The following MAN1A2 variants were observed in gnomAD, a reference collection of about 807,000 sequenced individuals.
MAN1A2 encodes the protein mannosyl-oligosaccharide 1,2-alpha-mannosidase IB.
A neutral mutation model predicts 75.7 loss-of-function variants in MAN1A2; 26 were observed. The observed-to-expected ratio is 0.34, with a 90% CI of 0.25 to 0.48. MAN1A2 has a LOEUF of 0.48. Among genes scored for constraint, MAN1A2 ranks in the 20% least tolerant of loss-of-function variants. MAN1A2 has a pLI of 0.99. For synonymous variants in MAN1A2, 247 were observed against 264.6 expected, an observed-to-expected ratio of 0.93 and a Z score of 0.65; for missense variants, 562 against 775.5, an observed-to-expected ratio of 0.72 and a Z score of 3.27.
intron 8 of MAN1A2, among the ~76,000 whole-genome samples, chr1:117,466,704 T>A (rs1649993421): frequency 6.6e-6 from 1 of 152,154 alleles, no homozygotes; most frequent in South Asian, 2.1e-4. Flanking sequence ...TTAAAAACTC[T>A]TATTAATAAA....
At chr1:117,468,969 A>G (rs891892573) in intron 8 of MAN1A2, among the ~76,000 whole-genome samples, 5 of 152,300 alleles carry the variant, frequency 3.3e-5, no homozygotes, top group Middle Eastern at 3.4e-3. Flanking sequence ...TTAAATAAAA[A>G]GAGAATCCCA....
intron 9 of MAN1A2, chr1:117,495,056 A>C (rs1650995526): frequency 6.6e-6 from 1 of 151,734 alleles, no homozygotes; most frequent in Non-Finnish European, 1.5e-5. Context: ...AATTTTTTCC[A>C]AAGGAAAAAA....
chr1:117,380,025 C>T (rs554395753), intron 1 of MAN1A2, among the ~76,000 whole-genome samples: 2 of 152,152 alleles, frequency 1.3e-5, no homozygotes, highest in African/African-American at 2.4e-5. Context: ...ATTACAGGGT[C>T]GTATGATAAT....
chr1:117,518,186 T>TA (rs1320494386), intron 12 of MAN1A2, among the ~76,000 whole-genome samples: 1 of 151,942 alleles, frequency 6.6e-6, no homozygotes, highest in African/African-American at 2.4e-5. Flanking sequence ...ATGCATAATT[T>TA]AAAAGAACTC....
rs376973752 is a variant in MAN1A2 at position 117,496,965 on chromosome 1, A to T, written c.1487A>T (p.Glu496Val). 6.2e-7 allele frequency: 1 copy of T among 1,609,908 alleles called. No homozygotes were observed. Among genetic ancestry groups the T allele is most frequent in the African/African-American group, 1.3e-5 (1 of 74,762 alleles). Residue 496 changes from glutamate (E) to valine (V), a missense_variant, in exon 10 of 13, where the codon GAG becomes GTG. Glu to Val is a moderately radical substitution (Grantham distance 121). Transcript: ENST00000356554. ...GCAGAAATTGCACGTACTTGTCATG[A>T]GTCATATGACAGAACTGGTAAGAAT... ...LGAEIARTCH[E>V]SYDRTALKLG...
chr1:117,414,843 A>T lies in MAN1A2; in HGVS notation c.774+12A>T. ...TTGATTTCAGTGTGGTGAGTGTATG[A>T]TTGATAACTAATCTCTTAGATTAAC... On this transcript the variant is annotated intron_variant, in intron 4 of 12. Transcript: ENST00000356554. 7.1e-7 allele frequency: 1 copy of T among 1,401,826 alleles called. No homozygotes were observed. Among genetic ancestry groups the T allele is most frequent in the Non-Finnish European group, 1.0e-6 (1 of 987,266 alleles). 86.8% of individuals were successfully genotyped at this position (1,401,826 alleles called of 1,614,324 possible).
chr1:117,408,472 GGTGT>G (rs75129243), intron 3 of MAN1A2, among the ~76,000 whole-genome samples: 1 of 151,116 alleles, frequency 6.6e-6, no homozygotes, highest in African/African-American at 2.4e-5. Context: ...TTATTTTCCA[GGTGT>G]GTGTGTGTGT....
chr1:117,512,750 T>TACACACACACACAC (rs3050979), intron 12 of MAN1A2, among the ~76,000 whole-genome samples: 2,152 of 143,816 alleles, frequency 0.015, 21 homozygotes, highest in South Asian at 0.029. Flanking sequence ...GGCACTGGGA[T>TACACACACACACAC]ACACACACAC....
chr1:117,472,343 C>A (rs922734750), intron 8 of MAN1A2, among the ~76,000 whole-genome samples: 2 of 151,522 alleles, frequency 1.3e-5, no homozygotes, highest in African/African-American at 4.9e-5. Flanking sequence ...ATATAAATAC[C>A]CATTAAAAGA....
intron 5 of MAN1A2, among the ~76,000 whole-genome samples, chr1:117,441,583 T>C (rs944836491): frequency 1.3e-5 from 2 of 152,140 alleles, no homozygotes; most frequent in Non-Finnish European, 2.9e-5. Context: ...AGTAGAAATT[T>C]TTCTATATAC....
At chr1:117,414,671 A>T (rs1294957884) in intron 3 of MAN1A2, 42 bp from the exon 4 acceptor site, 1 of 1,007,218 alleles carries the variant, frequency 9.9e-7, no homozygotes, top group Non-Finnish European at 1.6e-6. Flanking sequence ...CAGGAACCTA[A>T]AGGGATCTTT....
At chr1:117,372,684 C>T (rs1289955) in intron 1 of MAN1A2, among the ~76,000 whole-genome samples, 25,314 of 151,852 alleles carry the variant, frequency 0.17, 2,565 homozygotes, top group African/African-American at 0.26. Context: ...TGTTGTTATA[C>T]GCTAATATAC....
intron 4 of MAN1A2, among the ~76,000 whole-genome samples, chr1:117,415,079 T>C (rs927044951): frequency 2.0e-5 from 3 of 152,020 alleles, no homozygotes; most frequent in Non-Finnish European, 2.9e-5. Flanking sequence ...TGAATTTTCA[T>C]AGTTAGGCCT....
At chr1:117,471,356 T>C (rs1041623275) in intron 8 of MAN1A2, among the ~76,000 whole-genome samples, 4 of 151,986 alleles carry the variant, frequency 2.6e-5, no homozygotes, top group Admixed American at 2.0e-4. Context: ...GTTTTTATTC[T>C]AGAATTTCCC....
At chr1:117,379,767 A>G (rs1367812558) in intron 1 of MAN1A2, among the ~76,000 whole-genome samples, 2 of 152,036 alleles carry the variant, frequency 1.3e-5, no homozygotes, top group Non-Finnish European at 2.9e-5. Flanking sequence ...TTCACTTAGC[A>G]TAATGTTTTT....
intron 10 of MAN1A2, among the ~76,000 whole-genome samples, chr1:117,498,674 A>T (rs955624370): frequency 6.6e-6 from 1 of 151,852 alleles, no homozygotes; most frequent in African/African-American, 2.4e-5. Flanking sequence ...AAAAATGATT[A>T]TTTGATTTGT....
rs1248920207 is a variant in MAN1A2, at chr1:117,525,165, A to G, written c.*2208A>G. ...TGTATTACCCAGATGACTGAAGCTTAAGAGAAGGCAGGGAAGTATACAAGC... is the reference window on the plus strand; with the variant it reads ...TGTATTACCCAGATGACTGAAGCTTGAGAGAAGGCAGGGAAGTATACAAGC... On this transcript the variant is annotated 3_prime_UTR_variant, in exon 13 of 13. Transcript: ENST00000356554. 1.1e-5 allele frequency: 6 copies of G among 522,834 alleles called. No individual in the cohort carries two copies. Among genetic ancestry groups the G allele is most frequent in the Middle Eastern group, 3.2e-4 (1 of 3,150 alleles). The allele number at this position is 522,834 out of a possible 1,614,324, so 32.4% of individuals were successfully genotyped here.
At chr1:117,396,083 T>A (rs1377405099) in intron 1 of MAN1A2, among the ~76,000 whole-genome samples, 2 of 152,234 alleles carry the variant, frequency 1.3e-5, no homozygotes, top group Non-Finnish European at 2.9e-5. Context: ...TTTATGGGGC[T>A]TCATTATGTA....
chr1:117,450,124 C>CT (rs1307841546), intron 6 of MAN1A2, among the ~76,000 whole-genome samples: 1 of 152,176 alleles, frequency 6.6e-6, no homozygotes, highest in Non-Finnish European at 1.5e-5. Flanking sequence ...TGTTGAATGG[C>CT]TTTACCTAAA....
Sources: allele counts gnomAD v4.1 joint callset (sites outside exome capture counted in the v4.1 genomes callset), GRCh38; gene constraint gnomAD v4.1.1; transcripts MANE v1.5; gene names NCBI Gene and HGNC (gene_info 2026-07-23, HGNC 2026-07-21).